CDH18: variants seen among roughly 807,000 people sequenced by gnomAD.
CDH18 encodes cadherin-18.
Under a neutral mutation model 67.9 loss-of-function variants are expected in CDH18, and 31 were observed. The observed-to-expected ratio is 0.46, with a 90% CI of 0.34 to 0.62. CDH18 has a LOEUF of 0.62. Ranked by LOEUF, CDH18 falls within the 20% of genes least tolerant of loss-of-function variation. The probability of loss-of-function intolerance (pLI) is 0.01; values close to 1 mark genes in which losing one functional copy is unlikely to be tolerated. For missense variants in CDH18, 890 were observed against 975.5 expected (o/e 0.91, Z 1.17); for synonymous variants, 362 against 347.2 (o/e 1.04, Z -0.48).
intron 2 of CDH18, among the ~76,000 whole-genome samples, chr5:20,222,271 A>G (rs997514305): frequency 1.3e-5 from 2 of 152,190 alleles, no homozygotes; most frequent in African/African-American, 4.8e-5. Flanking sequence ...AATTTTATTT[A>G]CGCTCCACAA....
chr5:20,355,431 T>G (rs1741533545), intron 1 of CDH18, among the ~76,000 whole-genome samples: 2 of 152,246 alleles, frequency 1.3e-5, no homozygotes, highest in Admixed American at 6.5e-5. Context: ...TATAGCTAAG[T>G]GGAAGGTTAT....
intron 5 of CDH18, among the ~76,000 whole-genome samples, chr5:19,640,725 C>T (rs928956220): frequency 2.6e-5 from 4 of 151,866 alleles, no homozygotes; most frequent in Non-Finnish European, 4.4e-5. Context: ...GCAGTTAAAG[C>T]CCATATTAGA....
chr5:19,664,383 A>G (rs1757620849), intron 5 of CDH18, among the ~76,000 whole-genome samples: 1 of 151,952 alleles, frequency 6.6e-6, no homozygotes, highest in Non-Finnish European at 1.5e-5. Flanking sequence ...TTTGTGATTC[A>G]TATGATTCAT....
At chr5:20,095,486 AGAGGGAGG>A (rs199942459) in intron 2 of CDH18, among the ~76,000 whole-genome samples, 75 of 110,496 alleles carry the variant, frequency 6.8e-4, no homozygotes, top group East Asian at 1.4e-3. Context: ...AAGGAGAGAG[AGAGGGAGG>A]GAGGGAGGGA....
chr5:20,492,303 C>T (rs141144307), intron 1 of CDH18, among the ~76,000 whole-genome samples: 1 of 151,896 alleles, frequency 6.6e-6, no homozygotes, highest in Non-Finnish European at 1.5e-5. Flanking sequence ...TTCAGCATCA[C>T]CTGACTTTCT....
chr5:20,201,612 A>C (rs1311450914), intron 2 of CDH18, among the ~76,000 whole-genome samples: 1 of 152,194 alleles, frequency 6.6e-6, no homozygotes, highest in Non-Finnish European at 1.5e-5. Context: ...TATAACAAAC[A>C]GTATCTAGAA....
At chr5:20,381,359 C>G (rs1160541383) in intron 1 of CDH18, among the ~76,000 whole-genome samples, 1 of 151,748 alleles carries the variant, frequency 6.6e-6, no homozygotes. Context: ...GGGGAAGAAA[C>G]TGTATGTGTC....
At chr5:19,986,933 A>G (rs1799618643) in intron 1 of CDH18, among the ~76,000 whole-genome samples, 1 of 152,192 alleles carries the variant, frequency 6.6e-6, no homozygotes, top group East Asian at 1.9e-4. Flanking sequence ...AGTGAAAAAT[A>G]AAGGTTTGAA....
At position 20,562,725 on chromosome 5, in the gene CDH18, T is replaced by G. The variant is rs1419324882; in HGVS notation, c.-580+12737A>C. Among the ~76,000 whole-genome samples, 7 of 152,004 alleles carry G rather than the reference T, an allele frequency of 4.6e-5. No homozygotes were observed. The East Asian group carries it at 1.3e-3, about 29-fold the overall frequency. Reference sequence around the variant, plus strand: ...TATTGGTAAATTTAAAACAGCGTTGTGGAATAAAACATTATTGCGTAACTT... The same window carrying G: ...TATTGGTAAATTTAAAACAGCGTTGGGGAATAAAACATTATTGCGTAACTT... On this transcript the variant is annotated intron_variant, in intron 1 of 14. Transcript: ENST00000507958.
intron 2 of CDH18, among the ~76,000 whole-genome samples, chr5:19,887,223 A>C (rs1788307397): frequency 1.3e-5 from 2 of 151,694 alleles, no homozygotes; most frequent in Non-Finnish European, 1.5e-5. Flanking sequence ...GCTTATACCA[A>C]AAACGTAACA....
intron 4 of CDH18, among the ~76,000 whole-genome samples, chr5:19,727,372 A>G (rs2150609856): frequency 6.6e-6 from 1 of 152,234 alleles, no homozygotes; most frequent in South Asian, 2.1e-4. Flanking sequence ...GTACATATAC[A>G]CAGGCATAAC....
intron 2 of CDH18, among the ~76,000 whole-genome samples, chr5:20,094,084 T>C (rs1308034617): frequency 6.6e-6 from 1 of 152,126 alleles, no homozygotes; most frequent in Non-Finnish European, 1.5e-5. Context: ...ATGCTCTCAG[T>C]TGAGACACTG....
At chr5:19,640,270 T>C (rs1189992677) in intron 5 of CDH18, among the ~76,000 whole-genome samples, 1 of 152,138 alleles carries the variant, frequency 6.6e-6, no homozygotes, top group Non-Finnish European at 1.5e-5. Flanking sequence ...CATTAAAATA[T>C]AAAAATCTAT....
intron 2 of CDH18, among the ~76,000 whole-genome samples, chr5:20,072,784 C>A (rs1358901583): frequency 6.6e-6 from 1 of 151,582 alleles, no homozygotes; most frequent in Admixed American, 6.6e-5. Context: ...GGAACTTTGA[C>A]AAATTAATCT....
chr5:20,250,438 GC>G (rs1743753389), intron 2 of CDH18, among the ~76,000 whole-genome samples: 2 of 151,548 alleles, frequency 1.3e-5, no homozygotes, highest in Non-Finnish European at 2.9e-5. Context: ...GACTGCAGGC[GC>G]CCGCCACCAC....
chr5:20,542,256 T>A (rs984447983), intron 1 of CDH18, among the ~76,000 whole-genome samples: 2 of 146,990 alleles, frequency 1.4e-5, no homozygotes, highest in African/African-American at 4.9e-5. Context: ...CAATTATTAT[T>A]ATTATCATCA....
Position 19,799,626 on chromosome 5 carries a change from A to G in CDH18, c.228+39133T>C, listed in dbSNP as rs1032522494. Among the ~76,000 whole-genome samples the G allele has an allele frequency of 2.6e-5, 4 of 152,146 alleles. 1 individual carries two copies. The highest frequency in any genetic ancestry group is 9.7e-5 in the African/African-American group (4 of 41,448). On this transcript the variant is annotated intron_variant, in intron 3 of 12. Coordinates refer to ENST00000382275, the MANE Select transcript of CDH18 (RefSeq NM_004934.5). ...ATTTTTTTATATCTATTATACCTCA[A>G]TAAATCTTTAAAAAGATAACTTTGC...
At chr5:20,021,877 T>C (rs2150434660) in intron 2 of CDH18, among the ~76,000 whole-genome samples, 1 of 152,302 alleles carries the variant, frequency 6.6e-6, no homozygotes, top group African/African-American at 2.4e-5. Context: ...TGGTAACAAA[T>C]ATACATTTTC....
chr5:20,160,440 T>G (rs1196517937), intron 2 of CDH18, among the ~76,000 whole-genome samples: 2 of 152,198 alleles, frequency 1.3e-5, no homozygotes, highest in Non-Finnish European at 2.9e-5. Flanking sequence ...ATTTCAACAT[T>G]TGAATTTTCT....
Sources: gnomAD v4.1 joint callset for allele counts (sites outside exome capture counted in the v4.1 genomes callset) on GRCh38, gnomAD v4.1.1 for gene constraint, MANE v1.5 for transcripts, NCBI Gene and HGNC (gene_info 2026-07-23, HGNC 2026-07-21) for gene names.